UCKL1: variants seen among roughly 807,000 people sequenced by gnomAD.
UCKL1 encodes uridine-cytidine kinase 1 like 1.
UCKL1 carries 65 observed loss-of-function variants against 59.2 expected under a neutral mutation model. The ratio of observed to expected loss-of-function variants is 1.10; its 90% CI spans 0.90 to 1.35. The LOEUF (loss-of-function observed/expected upper bound fraction) is 1.35. Among genes scored for constraint, UCKL1 ranks in the 40% most tolerant of loss-of-function variants. The pLI, the probability that UCKL1 is intolerant of heterozygous loss-of-function variation, is 0.00. For synonymous variants in UCKL1, 410 were observed against 323.1 expected, an observed-to-expected ratio of 1.27 and a Z score of -2.88; for missense variants, 703 against 784.3, an observed-to-expected ratio of 0.90 and a Z score of 1.24.
At chr20:63,947,295 A>G (rs895998646) in intron 1 of UCKL1, among the ~76,000 whole-genome samples, 1 of 152,198 alleles carries the variant, frequency 6.6e-6, no homozygotes, top group African/African-American at 2.4e-5. Context: ...TCTGTCCCCT[A>G]GGGGACTCAA....
At chr20:63,953,686 T>A (rs2058070205) in intron 1 of UCKL1, 1 of 151,362 alleles carries the variant, frequency 6.6e-6, no homozygotes, top group Non-Finnish European at 1.5e-5. Context: ...CAGGACTCTA[T>A]CTCCAAAAAA....
Position 63,946,652 on chromosome 20 carries a change from A to T in UCKL1, c.114-9T>A. The T allele has an allele frequency of 6.2e-7, 1 of 1,605,158 alleles. No homozygotes were observed. The highest frequency in any genetic ancestry group is 8.5e-7 in the Non-Finnish European group (1 of 1,179,360). ...GGGACTCTGCATTGCTGCTGCAGAG[A>T]GGGATGTACTCGGATGTGGCCCAGA... On this transcript the variant is annotated splice_polypyrimidine_tract_variant and intron_variant, in intron 1 of 14. Transcript: ENST00000354216.
Position 63,940,767 on chromosome 20 carries a change from C to A in UCKL1, c.1179+27G>T, listed in dbSNP as rs377153359. ...CACATCCCGCCCCAGCAGCCTGTCC[C>A]GCGCCCAGGTGTGCCCAGGCAGGTA... On this transcript the variant is annotated intron_variant, in intron 11 of 14. Transcript: ENST00000354216. 5.6e-6 allele frequency: 9 copies of A among 1,602,734 alleles called. No individual in the cohort carries two copies. In the South Asian group the frequency reaches 8.9e-5, roughly 16 times the overall value.
rs757790496 is a variant in UCKL1 at position 63,940,423 on chromosome 20, G to C, written c.1365C>G (p.Thr455=). 3 of 1,612,080 alleles carry C rather than the reference G, an allele frequency of 1.9e-6. No homozygotes were observed. The highest frequency in any genetic ancestry group is 3.3e-5 in the Admixed American group (2 of 60,000). ...TCATGGCCGCCGCGCCCGTGGACACGGTGCAGTCCATGAGGATCACGTGGT... is the reference window on the plus strand; with the variant it reads ...TCATGGCCGCCGCGCCCGTGGACACCGTGCAGTCCATGAGGATCACGTGGT... ...SDDHVILMDC[T]VSTGAAAMMA... is the part of the protein sequence containing the mutation. Residue 455 remains threonine (T), a synonymous_variant, in exon 13 of 15, where the codon ACC becomes ACG. Coordinates refer to ENST00000354216, the MANE Select transcript of UCKL1 (RefSeq NM_017859.4).
At chr20:63,944,334 G>A in intron 7 of UCKL1, 63 bp downstream of exon 7, 1 of 1,471,952 alleles carries the variant, frequency 6.8e-7, no homozygotes, top group Non-Finnish European at 9.2e-7. Flanking sequence ...TGGGGGTGGT[G>A]GCAGCGGAGA....
intron 1 of UCKL1, among the ~76,000 whole-genome samples, chr20:63,950,205 C>G (rs558889141): frequency 2.6e-5 from 4 of 152,328 alleles, no homozygotes; most frequent in African/African-American, 9.6e-5. Context: ...CCGAGCCCAG[C>G]CCCACTACCT....
chr20:63,945,594 GAC>G, intron 5 of UCKL1, 55 bp downstream of exon 5: 1 of 1,581,802 alleles, frequency 6.3e-7, no homozygotes. Context: ...ACACCTCATG[GAC>G]AGGGCGGCCA....
intron 14 of UCKL1, 44 bp from the exon 15 acceptor site, chr20:63,940,099 G>A: frequency 6.2e-7 from 1 of 1,611,412 alleles, no homozygotes; most frequent in Non-Finnish European, 8.5e-7. Context: ...GGGCCTCCCA[G>A]GGCCACCCAC....
At chr20:63,955,871 T>A (rs2058539070) in intron 1 of UCKL1, 1 of 161,190 alleles carries the variant, frequency 6.2e-6, no homozygotes, top group African/African-American at 2.4e-5. Context: ...CTCCAAATCC[T>A]AAGCCCTGGC....
intron 1 of UCKL1, among the ~76,000 whole-genome samples, chr20:63,952,443 G>T (rs990411777): frequency 6.6e-6 from 1 of 152,210 alleles, no homozygotes; most frequent in African/African-American, 2.4e-5. Flanking sequence ...CCTCGCTGCA[G>T]GCCACGTGGT....
At chr20:63,946,875 TGA>T (rs1245794479) in intron 1 of UCKL1, among the ~76,000 whole-genome samples, 2 of 151,752 alleles carry the variant, frequency 1.3e-5, no homozygotes, top group Non-Finnish European at 2.9e-5. Flanking sequence ...GTCAGGAGTT[TGA>T]GACCAGCCTG....
intron 1 of UCKL1, among the ~76,000 whole-genome samples, chr20:63,947,676 C>A (rs747459945): frequency 8.5e-5 from 13 of 152,264 alleles, no homozygotes; most frequent in Non-Finnish European, 1.3e-4. Flanking sequence ...TGTGGCCCCT[C>A]CTGGGTCCCC....
chr20:63,946,460 G>A lies in UCKL1; in HGVS notation c.297C>T (p.Phe99=), dbSNP rs150874998. The A allele has an allele frequency of 2.7e-4, 417 of 1,561,108 alleles. No homozygotes were observed. The highest frequency in any genetic ancestry group is 9.3e-4 in the African/African-American group (69 of 73,858). ...CCCCCCCGCTGCTCTCACCGATGGC[G>A]AAGGCCTCTTTGGATTGCGTGCCGT... ...NEHGTQSKEA[F]AIGLGGGSAS... Residue 99 remains phenylalanine, a synonymous_variant, in exon 2 of 15, where the codon TTC becomes TTT. Transcript: ENST00000354216.
At chr20:63,943,490 C>CG (rs979448396) in intron 8 of UCKL1, among the ~76,000 whole-genome samples, 163 bp downstream of exon 8, 12 of 152,332 alleles carry the variant, frequency 7.9e-5, no homozygotes, top group Middle Eastern at 6.8e-3. Context: ...GTGTCCTCAT[C>CG]TGCCAGCAAG....
chr20:63,950,279 C>A (rs999169545), intron 1 of UCKL1, among the ~76,000 whole-genome samples: 1 of 152,182 alleles, frequency 6.6e-6, no homozygotes, highest in East Asian at 1.9e-4. Context: ...ACAAGCAGCA[C>A]CCCTTGACAG....
chr20:63,944,970 G>A (rs1197004346), intron 5 of UCKL1, among the ~76,000 whole-genome samples: 3 of 152,224 alleles, frequency 2.0e-5, no homozygotes, highest in African/African-American at 7.2e-5. Context: ...TGGGGAGGTG[G>A]GGGTGTCTGG....
chr20:63,946,344 C>T (rs537289131), intron 2 of UCKL1, 77 bp from the exon 3 acceptor site: 177 of 1,532,952 alleles, frequency 1.2e-4, no homozygotes, highest in Non-Finnish European at 1.5e-4. Flanking sequence ...GTGCCCATCC[C>T]GCTGCCGCTG....
At chr20:63,950,610 G>A (rs973455960) in intron 1 of UCKL1, 160 of 937,566 alleles carry the variant, frequency 1.7e-4, no homozygotes, top group Admixed American at 2.3e-4. Context: ...TGGCACCTTC[G>A]ACCCTGGGCT....
chr20:63,947,598 C>T (rs1422312773), intron 1 of UCKL1, among the ~76,000 whole-genome samples: 1 of 152,256 alleles, frequency 6.6e-6, no homozygotes, highest in Non-Finnish European at 1.5e-5. Context: ...CCTGGCCTCT[C>T]TGGCTGTCAG....
Sources: allele counts gnomAD v4.1 joint callset (sites outside exome capture counted in the v4.1 genomes callset), GRCh38; gene constraint gnomAD v4.1.1; transcripts MANE v1.5; gene names NCBI Gene and HGNC (gene_info 2026-07-23, HGNC 2026-07-21).